SCAPER: variants seen among roughly 807,000 people sequenced by gnomAD.
The protein encoded by SCAPER is S-phase cyclin A associated protein in the ER.
In SCAPER, 98 loss-of-function variants were observed where a neutral mutation model predicts 182.2. The observed-to-expected ratio is 0.54, with a 90% CI of 0.46 to 0.64. SCAPER has a LOEUF of 0.64. SCAPER is among the 30% of genes least tolerant of loss of function. The pLI is 0.00. For synonymous variants in SCAPER, 605 were observed against 564.6 expected (o/e 1.07, Z -1.01); for missense variants, 1,432 against 1,690.0 (o/e 0.85, Z 2.68).
In SCAPER at chr15:76,348,592, A is replaced by G; in HGVS notation, c.*41T>C. 7.6e-7 allele frequency: 1 copy of G among 1,319,832 alleles called. No individual in the cohort carries two copies. The highest frequency in any genetic ancestry group is 1.4e-5 in the South Asian group (1 of 73,646). 81.8% of individuals were successfully genotyped at this position (1,319,832 alleles called of 1,614,324 possible). A position where few individuals can be genotyped will look rare whatever the true frequency, so the allele number is the denominator to read the frequency against. On this transcript the variant is annotated 3_prime_UTR_variant, in exon 32 of 32. Transcript: ENST00000563290. ...AGAATGTTTGTTTGGACAATTTAAA[A>G]TATTAACAAGGGTACTCAAATACAG... is the stretch of plus-strand genomic sequence containing the variant.
intron 16 of SCAPER, among the ~76,000 whole-genome samples, chr15:76,731,691 T>C (rs1338430834): frequency 6.6e-6 from 1 of 152,244 alleles, no homozygotes; most frequent in Admixed American, 6.5e-5. Flanking sequence ...TCTATCTCAG[T>C]ATATCTCAAG....
chr15:76,459,912 A>G (rs2049025359), intron 25 of SCAPER, among the ~76,000 whole-genome samples: 1 of 152,112 alleles, frequency 6.6e-6, no homozygotes, highest in South Asian at 2.1e-4. Context: ...TCCCAGCACC[A>G]CTTACTAAAG....
chr15:76,898,995 T>C (rs2074591436), intron 1 of SCAPER, among the ~76,000 whole-genome samples: 1 of 152,204 alleles, frequency 6.6e-6, no homozygotes, highest in Non-Finnish European at 1.5e-5. Flanking sequence ...ATTGCAATCA[T>C]TCAGTTACTA....
At chr15:76,739,786 GAAAC>G (rs943891789) in intron 15 of SCAPER, among the ~76,000 whole-genome samples, 6 of 152,246 alleles carry the variant, frequency 3.9e-5, no homozygotes, top group East Asian at 3.9e-4. Flanking sequence ...GTGAGCTAAG[GAAAC>G]AAACAGAGTA....
chr15:76,612,358 C>T (rs145133765), intron 22 of SCAPER, among the ~76,000 whole-genome samples: 68 of 152,268 alleles, frequency 4.5e-4, no homozygotes, highest in African/African-American at 1.5e-3. Context: ...CCACCTCAGC[C>T]TCCCGAGTAG....
At chr15:76,846,021 G>C (rs2070042041) in intron 4 of SCAPER, among the ~76,000 whole-genome samples, 1 of 151,718 alleles carries the variant, frequency 6.6e-6, no homozygotes, top group Non-Finnish European at 1.5e-5. Context: ...ACATAATAAA[G>C]AGCCCAGAAA....
At chr15:76,566,166 G>A (rs904516431) in intron 23 of SCAPER, among the ~76,000 whole-genome samples, 8 of 152,152 alleles carry the variant, frequency 5.3e-5, no homozygotes, top group Non-Finnish European at 8.8e-5. Context: ...GTGTTACATA[G>A]TCACAACAGT....
chr15:76,403,008 G>C (rs1420111579), intron 27 of SCAPER, among the ~76,000 whole-genome samples: 7 of 152,176 alleles, frequency 4.6e-5, no homozygotes, highest in Non-Finnish European at 1.5e-5. Context: ...GCTTATATTT[G>C]TGATATTGAT....
intron 23 of SCAPER, among the ~76,000 whole-genome samples, chr15:76,542,272 C>T (rs1346498753): frequency 6.6e-6 from 1 of 152,092 alleles, no homozygotes; most frequent in Admixed American, 6.5e-5. Context: ...CCTGTAATCT[C>T]AGCACTTTGG....
chr15:76,504,900 G>T lies in SCAPER; in HGVS notation c.2913C>A (p.Val971=), dbSNP rs773380537. Residue 971 remains valine (V), a synonymous_variant, in exon 24 of 32, where the codon GTC becomes GTA. Transcript: ENST00000563290. ...AAACTGTGTTCACATTTGTGGCTGG[G>T]ACTACTGCTTGAAGGATGTGTTCAA... ...TALEHILQAV[V]PATNVNTVLR... 2 of 1,612,486 alleles carry T rather than the reference G, an allele frequency of 1.2e-6. No individual in the cohort carries two copies. Among genetic ancestry groups the T allele is most frequent in the Admixed American group, 3.3e-5 (2 of 59,764 alleles).
chr15:76,577,970 C>T (rs149409355), intron 22 of SCAPER, among the ~76,000 whole-genome samples: 2,396 of 152,212 alleles, frequency 0.016, 26 homozygotes, highest in Middle Eastern at 0.044. Flanking sequence ...ACAGGGAAGC[C>T]ACTGTCCTGA....
chr15:76,900,262 C>T (rs796277473), intron 1 of SCAPER, among the ~76,000 whole-genome samples: 1 of 150,574 alleles, frequency 6.6e-6, no homozygotes, highest in African/African-American at 2.4e-5. Flanking sequence ...TGTTTATCTG[C>T]TGACCTTCTC....
chr15:76,542,042 T>G (rs2044796258), intron 23 of SCAPER, among the ~76,000 whole-genome samples: 1 of 152,184 alleles, frequency 6.6e-6, no homozygotes, highest in African/African-American at 2.4e-5. Context: ...AATCTGGACA[T>G]TCTAAAAGGA....
chr15:76,757,802 C>G (rs1266609944), intron 14 of SCAPER, among the ~76,000 whole-genome samples: 2 of 152,172 alleles, frequency 1.3e-5, no homozygotes, highest in Non-Finnish European at 2.9e-5. Flanking sequence ...GCCATCCTAA[C>G]AAGTGTCAGG....
intron 29 of SCAPER, among the ~76,000 whole-genome samples, chr15:76,359,051 A>G (rs901133665): frequency 6.6e-6 from 1 of 152,212 alleles, no homozygotes; most frequent in African/African-American, 2.4e-5. Context: ...TGAGGATCCA[A>G]TGAGATAGTG....
chr15:76,560,404 A>G (rs1244598043), intron 23 of SCAPER, among the ~76,000 whole-genome samples: 1 of 152,166 alleles, frequency 6.6e-6, no homozygotes, highest in Non-Finnish European at 1.5e-5. Flanking sequence ...TATTGTTTCA[A>G]CACTTGCTGA....
chr15:76,562,371 A>G (rs1193733672), intron 23 of SCAPER, among the ~76,000 whole-genome samples: 2 of 152,186 alleles, frequency 1.3e-5, no homozygotes, highest in African/African-American at 4.8e-5. Flanking sequence ...GCTCAATAAC[A>G]GGAGTAGATA....
chr15:76,447,401 T>C (rs1370382332), intron 25 of SCAPER, among the ~76,000 whole-genome samples: 2 of 152,152 alleles, frequency 1.3e-5, no homozygotes, highest in Non-Finnish European at 2.9e-5. Context: ...TTATAGTCAT[T>C]TGGTCAGAAG....
At chr15:76,846,112 A>G (rs904510832) in intron 4 of SCAPER, among the ~76,000 whole-genome samples, 1 of 152,172 alleles carries the variant, frequency 6.6e-6, no homozygotes, top group African/African-American at 2.4e-5. Flanking sequence ...AGTCTCTTCA[A>G]TAAATGGTGC....
Sources: allele counts gnomAD v4.1 joint callset (sites outside exome capture counted in the v4.1 genomes callset), GRCh38; gene constraint gnomAD v4.1.1; transcripts MANE v1.5; gene names NCBI Gene and HGNC (gene_info 2026-07-23, HGNC 2026-07-21).